MMP12: variants seen among roughly 807,000 people sequenced by gnomAD.
MMP12 encodes macrophage metalloelastase.
MMP12 carries 51 observed loss-of-function variants against 45.2 expected under a neutral mutation model. The ratio of observed to expected loss-of-function variants is 1.13; its 90% CI spans 0.90 to 1.42. MMP12 has a LOEUF of 1.42. Ranked by LOEUF, MMP12 falls within the 40% of genes most tolerant of loss-of-function variation. The pLI, the probability that MMP12 is intolerant of heterozygous loss-of-function variation, is 0.00. For missense variants in MMP12, 530 were observed against 570.8 expected (o/e 0.93, Z 0.73); for synonymous variants, 210 against 193.3 (o/e 1.09, Z -0.72).
chr11:102,873,549 G>A (rs542257829), intron 1 of MMP12, among the ~76,000 whole-genome samples: 92 of 152,090 alleles, frequency 6.0e-4, no homozygotes, highest in African/African-American at 2.1e-3. Flanking sequence ...GCAGTGAGCC[G>A]TGATTGTACC....
At chr11:102,866,607 G>A (rs1859392863) in intron 6 of MMP12, among the ~76,000 whole-genome samples, 159 bp from the exon 7 acceptor site, 1 of 152,098 alleles carries the variant, frequency 6.6e-6, no homozygotes, top group Non-Finnish European at 1.5e-5. Flanking sequence ...ACAAGAAAAG[G>A]ATATCAATCA....
intron 4 of MMP12, among the ~76,000 whole-genome samples, chr11:102,868,937 C>G (rs143006341): frequency 2.0e-5 from 3 of 152,118 alleles, no homozygotes. Context: ...TCAGACTTCA[C>G]CATTTTTATC....
At chr11:102,871,545 T>C (rs1283857989) in intron 4 of MMP12, 49 bp downstream of exon 4, 2 of 1,543,664 alleles carry the variant, frequency 1.3e-6, no homozygotes, top group African/African-American at 1.4e-5. Flanking sequence ...GTTGTTTTCC[T>C]TTCCTGTTTG....
rs201778370 is a variant in MMP12 at position 102,867,310 on chromosome 11, C to T, written c.871G>A (p.Val291Ile). 1.3e-5 allele frequency: 21 copies of T among 1,609,362 alleles called. No individual in the cohort carries two copies. The highest frequency in any genetic ancestry group is 3.4e-5 in the Admixed American group (2 of 59,362). ...AAGATCTTATTTCCCACGGTAGTGA[C>T]AGCATCAAAACTCAAATTGGGGTCA... ...LCDPNLSFDAVTTVGNKIFFF... is the reference protein window; with the variant it reads ...LCDPNLSFDAITTVGNKIFFF... The change falls in exon 6 of 10, where the codon GTC becomes ATC. Residue 291 changes from valine (V) to isoleucine (I), a missense_variant. Coordinates refer to ENST00000571244, the MANE Select transcript of MMP12 (RefSeq NM_002426.6).
At position 102,863,798 on chromosome 11, in the gene MMP12, G is replaced by A. The variant is rs146962040; in HGVS notation, c.1312+348C>T. On this transcript the variant is annotated intron_variant, in intron 9 of 9. Transcript: ENST00000571244. Reference sequence around the variant, plus strand: ...AAGAGTGCAAGGTGTAGGAAAGGGTGAGACTCCAGACTGCCTGAGTCTTGG... The same window carrying A: ...AAGAGTGCAAGGTGTAGGAAAGGGTAAGACTCCAGACTGCCTGAGTCTTGG... Among the ~76,000 whole-genome samples, 3 of 152,358 alleles carry A rather than the reference G, an allele frequency of 2.0e-5. No individual in the cohort carries two copies. The East Asian group carries it at 5.8e-4, about 29-fold the overall frequency.
chr11:102,865,108 T>C lies in MMP12; in HGVS notation c.1205+668A>G, dbSNP rs192939165. On this transcript the variant is annotated intron_variant, in intron 8 of 9. Transcript: ENST00000571244. The surrounding 1 kb of genome is among the most constrained non-coding windows in gnomAD (Gnocchi z 4.1). ...AAGTCATAAGCATCCGGTATTCAAT[T>C]GGAATTAGATATTGTGTTTTAAATG... Among the ~76,000 whole-genome samples, 1 of 150,634 alleles carries C rather than the reference T, an allele frequency of 6.6e-6. No homozygotes were observed. The highest frequency in any genetic ancestry group is 1.9e-4 in the East Asian group (1 of 5,186).
chr11:102,872,377 G>T (rs1859515079), intron 2 of MMP12, among the ~76,000 whole-genome samples: 1 of 150,950 alleles, frequency 6.6e-6, no homozygotes, highest in South Asian at 2.1e-4. Flanking sequence ...GTCTCACTTT[G>T]TTACTTAGGC....
At chr11:102,871,107 G>A (rs1385406970) in intron 4 of MMP12, among the ~76,000 whole-genome samples, 1 of 152,090 alleles carries the variant, frequency 6.6e-6, no homozygotes, top group Non-Finnish European at 1.5e-5. Context: ...GCGCACACCT[G>A]TGGTCCTAGC....
rs1555009335 is a variant in MMP12 at position 102,871,599 on chromosome 11, G to A, written c.620C>T (p.Ser207Leu). 2 of 1,553,254 alleles carry A rather than the reference G, an allele frequency of 1.3e-6. No individual in the cohort carries two copies. The highest frequency in any genetic ancestry group is 2.7e-5 in the African/African-American group (2 of 73,140). The change falls in exon 4 of 10, where the codon TCA becomes TTA. Residue 207 changes from serine to leucine, a missense_variant. Ser to Leu is a moderately radical substitution (Grantham distance 145, BLOSUM62 -2). Transcript: ENST00000571244. ...TGTTTGTTTGTTTTGCCCACCTCCT[G>A]AATGTGTAGTCCAGAATTCGTCCTC... The part of the protein sequence containing the change: ...FDEDEFWTTH[S>L]GGTNLFLTAV...
In MMP12 at chr11:102,871,972, G is replaced by C; in HGVS notation, c.351-20C>G. 6.3e-7 allele frequency: 1 copy of C among 1,587,000 alleles called. No homozygotes were observed. Among genetic ancestry groups the C allele is most frequent in the East Asian group, 2.2e-5 (1 of 44,584 alleles). ...TTGATTCTTTATCAGCAAAAAGAGA[G>C]AGAAAAATGTATGGAAGGCAGTGTT... On this transcript the variant is annotated intron_variant, in intron 2 of 9. Coordinates refer to ENST00000571244, the MANE Select transcript of MMP12 (RefSeq NM_002426.6).
Position 102,871,788 on chromosome 11 carries a change from A to G in MMP12, c.499+16T>C, listed in dbSNP as rs199696665. ...AGATCATGCCAAATGACAAAGATGA[A>G]ATACAAGTTCCCTACCTCCACGGGC... On this transcript the variant is annotated intron_variant, in intron 3 of 9. Transcript: ENST00000571244. 2 of 1,613,066 alleles carry G rather than the reference A, an allele frequency of 1.2e-6. No homozygotes were observed. Among genetic ancestry groups the G allele is most frequent in the Non-Finnish European group, 1.7e-6 (2 of 1,179,430 alleles).
Position 102,872,997 on chromosome 11 carries a change from A to G in MMP12, c.218T>C (p.Leu73Pro). The G allele has an allele frequency of 6.2e-7, 1 of 1,613,646 alleles. No individual in the cohort carries two copies. The highest frequency in any genetic ancestry group is 1.3e-5 in the African/African-American group (1 of 75,040). Residue 73 changes from leucine to proline, a missense_variant, in exon 2 of 10, where the codon CTG (leucine) becomes CCG (proline). By Grantham distance (98) the Leu-to-Pro change is moderately conservative. Transcript: ENST00000571244. ...KIQEMQHFLGLKVTGQLDTST... is the reference protein window; with the variant it reads ...KIQEMQHFLGPKVTGQLDTST... ...TGTGTCCAGTTGCCCGGTCACTTTCAGACCCAAGAAGTGCTGCATTTCTTG... is the reference window on the plus strand; with the variant it reads ...TGTGTCCAGTTGCCCGGTCACTTTCGGACCCAAGAAGTGCTGCATTTCTTG...
rs1859364043 is a variant in MMP12 at position 102,865,249 on chromosome 11, C to T, written c.1205+527G>A. On this transcript the variant is annotated intron_variant, in intron 8 of 9. Coordinates refer to ENST00000571244, the MANE Select transcript of MMP12 (RefSeq NM_002426.6). The surrounding 1 kb of genome is among the most constrained non-coding windows in gnomAD (Gnocchi z 4.1). ...TACTCAGAAGAAGGAATACAGAATC[C>T]TCTCCTCCTTCAAAATGTAGACAAT... 6.6e-6 allele frequency among the ~76,000 whole-genome samples: 1 copy of T among 152,188 alleles called. No individual in the cohort carries two copies. The highest frequency in any genetic ancestry group is 1.5e-5 in the Non-Finnish European group (1 of 68,024).
At chr11:102,869,145 A>G (rs1859448085) in intron 4 of MMP12, among the ~76,000 whole-genome samples, 2 of 152,192 alleles carry the variant, frequency 1.3e-5, no homozygotes, top group Non-Finnish European at 2.9e-5. Context: ...CCCTAGTCCA[A>G]TGCCTTCATT....
In MMP12 at chr11:102,871,736, G is replaced by GA; in HGVS notation, c.500-18dup. ...CTCCATGAGCTTTTGGAAAAGGAAAGAAAATTAGTCCTTCTATACATCCTA... is the reference window on the plus strand; with the variant it reads ...CTCCATGAGCTTTTGGAAAAGGAAAGAAAAATTAGTCCTTCTATACATCCTA... On this transcript the variant is annotated splice_polypyrimidine_tract_variant and intron_variant, in intron 3 of 9. Transcript: ENST00000571244. 1 of 1,613,170 alleles carries GA rather than the reference G, an allele frequency of 6.2e-7. No homozygotes were observed. The highest frequency in any genetic ancestry group is 8.5e-7 in the Non-Finnish European group (1 of 1,179,558).
At position 102,871,718 on chromosome 11, in the gene MMP12, A is replaced by G; in HGVS notation, c.501T>C (p.Ala167=). The G allele has an allele frequency of 1.2e-6, 2 of 1,611,970 alleles. No individual in the cohort carries two copies. The highest frequency in any genetic ancestry group is 2.2e-5 in the South Asian group (2 of 90,514). The change falls in exon 4 of 10, where the codon GCT becomes GCC. Residue 167 remains alanine (A), a splice_region_variant and synonymous_variant. Transcript: ENST00000571244. ...CATCAAAAGCATGGAAGTCTCCATG[A>G]GCTTTTGGAAAAGGAAAGAAAATTA... is the stretch of plus-strand genomic sequence containing the variant. ...ADILVVFARG[A]HGDFHAFDGK... is the part of the protein sequence containing the mutation.
Position 102,871,874 on chromosome 11 carries a change from A to T in MMP12, c.429T>A (p.Asn143Lys). The change falls in exon 3 of 10, where the codon AAT (asparagine) becomes AAA (lysine). Residue 143 changes from asparagine to lysine, a missense_variant. Transcript: ENST00000571244. ...AIRKAFQVWS[N>K]VTPLKFSKIN... ...TCTTGCTGAATTTCAAGGGGGTAACATTACTCCATACTTGGAAAGCTTTCC... is the reference window on the plus strand; with the variant it reads ...TCTTGCTGAATTTCAAGGGGGTAACTTTACTCCATACTTGGAAAGCTTTCC... 2.5e-6 allele frequency: 4 copies of T among 1,613,888 alleles called. No homozygotes were observed. The African/African-American group carries it at 5.3e-5, about 22-fold the overall frequency.
chr11:102,873,154 G>A (rs781889708), intron 1 of MMP12, 42 bp from the exon 2 acceptor site: 1 of 1,574,028 alleles, frequency 6.4e-7, no homozygotes, highest in Non-Finnish European at 8.6e-7. Context: ...AGTACACACA[G>A]AAAATTTCTG....
At chr11:102,870,411 G>T (rs1555009192) in intron 4 of MMP12, among the ~76,000 whole-genome samples, 3 of 152,194 alleles carry the variant, frequency 2.0e-5, no homozygotes, top group African/African-American at 7.2e-5. Context: ...TAGGCTATGT[G>T]TTAGACTAAA....
Sources: gnomAD v4.1 joint callset for allele counts (sites outside exome capture counted in the v4.1 genomes callset) on GRCh38, gnomAD v4.1.1 for gene constraint, Gnocchi (gnomAD v3.1) non-coding constraint, MANE v1.5 for transcripts, NCBI Gene and HGNC (gene_info 2026-07-23, HGNC 2026-07-21) for gene names.